ZNF10: variants seen among roughly 807,000 people sequenced by gnomAD.
ZNF10 encodes the protein zinc finger protein 10 (KOX 1).
Under a neutral mutation model 12.2 loss-of-function variants are expected in ZNF10, and 8 were observed. The observed-to-expected ratio is 0.66, with a 90% CI of 0.39 to 1.18. ZNF10 has a LOEUF of 1.18. Among genes scored for constraint, ZNF10 ranks in the 50% most tolerant of loss-of-function variants. ZNF10 has a pLI of 0.01. For synonymous variants in ZNF10, 229 were observed against 228.2 expected (o/e 1.00, Z -0.03); for missense variants, 603 against 678.9 (o/e 0.89, Z 1.24).
At position 133,156,804 on chromosome 12, in the gene ZNF10, AATCAAT is replaced by A; in HGVS notation, c.1559_1564del (p.Asn520_Cys522delinsSer). On this transcript the variant is annotated inframe_deletion, in exon 5 of 5. Transcript: ENST00000248211. The stretch of plus-strand genomic sequence containing the variant: ...TGTTGGAGAAGAGACCTATAAATGT[AATCAAT>A]GTGGCATTATCTTCAGCCAGAACTC... The A allele has an allele frequency of 6.4e-7, 1 of 1,557,742 alleles. No homozygotes were observed. The highest frequency in any genetic ancestry group is 8.7e-7 in the Non-Finnish European group (1 of 1,155,156).
intron 1 of ZNF10, chr12:133,143,909 G>A (rs1280759689): frequency 6.6e-6 from 1 of 152,286 alleles, no homozygotes; most frequent in Non-Finnish European, 1.5e-5. Flanking sequence ...TCAGTTCCTT[G>A]TGGCTGCAGG....
rs901584405 is a variant in ZNF10, at chr12:133,151,706, C to T, written c.161-103C>T. On this transcript the variant is annotated intron_variant, in intron 3 of 4. Transcript: ENST00000248211. The stretch of plus-strand genomic sequence containing the variant: ...TGTCAACTTTAGAGTCCCTGCCAGT[C>T]CTGCAGAGGGTTGGTGGTCAGGTTG... The T allele has an allele frequency of 3.9e-5, 29 of 743,398 alleles. No individual in the cohort carries two copies. The African/African-American group carries it at 4.6e-4, about 12-fold the overall frequency. The allele number at this position is 743,398 out of a possible 1,614,324, so 46.1% of individuals were successfully genotyped here. A position where few individuals can be genotyped will look rare whatever the true frequency, so the allele number is the denominator to read the frequency against.
At chr12:133,144,785 A>G in intron 2 of ZNF10, 3 of 506,522 alleles carry the variant, frequency 5.9e-6, no homozygotes, top group Non-Finnish European at 1.1e-5. Context: ...ATGGAATGAG[A>G]TTAGTGTTAC....
At chr12:133,144,745 T>C (rs1378381536) in intron 2 of ZNF10, among the ~76,000 whole-genome samples, 1 of 152,184 alleles carries the variant, frequency 6.6e-6, no homozygotes, top group Non-Finnish European at 1.5e-5. Context: ...AAAATAAAAA[T>C]AGTAGAATAG....
chr12:133,156,814 G>T lies in ZNF10; in HGVS notation c.1568G>T (p.Gly523Val). The T allele has an allele frequency of 6.5e-7, 1 of 1,549,422 alleles. No homozygotes were observed. The change falls in exon 5 of 5, where the codon GGC (glycine) becomes GTC (valine). Residue 523 changes from glycine (G) to valine (V), a missense_variant. Physicochemically the swap from Gly to Val is moderately radical, Grantham distance 109. Transcript: ENST00000248211. Reference protein sequence around the residue: ...GEETYKCNQCGIIFSQNSPFI... With the variant: ...GEETYKCNQCVIIFSQNSPFI... Reference sequence around the variant, plus strand: ...GAGACCTATAAATGTAATCAATGTGGCATTATCTTCAGCCAGAACTCTCCA... The same window carrying T: ...GAGACCTATAAATGTAATCAATGTGTCATTATCTTCAGCCAGAACTCTCCA...
chr12:133,143,780 T>C (rs1955959694), intron 1 of ZNF10: 2 of 152,276 alleles, frequency 1.3e-5, no homozygotes, highest in South Asian at 4.1e-4. Context: ...AAGCACAGCA[T>C]GGCTGGGTTT....
chr12:133,154,399 T>C (rs1260537311), intron 4 of ZNF10, among the ~76,000 whole-genome samples: 1 of 152,162 alleles, frequency 6.6e-6, no homozygotes, highest in African/African-American at 2.4e-5. Flanking sequence ...GTCCTTATGT[T>C]TCAGAGCGAA....
intron 2 of ZNF10, chr12:133,144,968 C>T (rs1229341378): frequency 7.5e-6 from 3 of 399,254 alleles, no homozygotes; most frequent in South Asian, 5.3e-5. Flanking sequence ...CTGCAACCTC[C>T]ACCTCCCAGG....
At chr12:133,131,183 G>C (rs1001382785) in intron 1 of ZNF10, among the ~76,000 whole-genome samples, 13 of 150,256 alleles carry the variant, frequency 8.7e-5, no homozygotes, top group Non-Finnish European at 1.8e-4. Context: ...AACAAATCCT[G>C]CATCTCTAGC....
chr12:133,154,109 T>C (rs549610237), intron 4 of ZNF10, among the ~76,000 whole-genome samples: 30 of 146,038 alleles, frequency 2.1e-4, no homozygotes, highest in African/African-American at 7.5e-4. Flanking sequence ...TCAACATACC[T>C]TTTTGTCGGC....
At chr12:133,140,730 A>G (rs975232315) in intron 1 of ZNF10, among the ~76,000 whole-genome samples, 6 of 151,806 alleles carry the variant, frequency 4.0e-5, no homozygotes, top group Non-Finnish European at 8.8e-5. Flanking sequence ...AAATTTGACT[A>G]TTTCCTATAT....
Position 133,150,886 on chromosome 12 carries a change from A to G in ZNF10, c.34-142A>G, listed in dbSNP as rs949398900. ...TTAAGACTTGACTAGAATAAATACT[A>G]CTCACTCCTAGAATAAATTGTGGTC... On this transcript the variant is annotated intron_variant, in intron 2 of 4. Transcript: ENST00000248211. The G allele has an allele frequency of 3.9e-5, 36 of 928,656 alleles. No homozygotes were observed. In the African/African-American group the frequency reaches 5.6e-4, roughly 14 times the overall value. 57.5% of individuals were successfully genotyped at this position (928,656 alleles called of 1,614,324 possible). A position where few individuals can be genotyped will look rare whatever the true frequency, so the allele number is the denominator to read the frequency against.
At chr12:133,137,003 C>G (rs529910644) in intron 1 of ZNF10, among the ~76,000 whole-genome samples, 18 of 152,270 alleles carry the variant, frequency 1.2e-4, no homozygotes, top group African/African-American at 3.6e-4. Flanking sequence ...CCAATCGCAT[C>G]ATTTCTCTAG....
At chr12:133,152,357 T>G (rs974627317) in intron 4 of ZNF10, among the ~76,000 whole-genome samples, 1 of 152,152 alleles carries the variant, frequency 6.6e-6, no homozygotes, top group Admixed American at 6.5e-5. Context: ...TTGCCTCAAC[T>G]CTCCTTCCTT....
intron 2 of ZNF10, among the ~76,000 whole-genome samples, chr12:133,145,988 T>C (rs1306138035): frequency 6.6e-6 from 1 of 152,208 alleles, no homozygotes; most frequent in Non-Finnish European, 1.5e-5. Context: ...GTATTACTTA[T>C]AGGAATGCTA....
chr12:133,155,732 A>T lies in ZNF10; in HGVS notation c.486A>T (p.Arg162Ser), dbSNP rs778238210. The change falls in exon 5 of 5, where the codon AGA becomes AGT. Residue 162 changes from arginine (R) to serine (S), a missense_variant. By Grantham distance (110) the Arg-to-Ser change is moderately radical. This residue lies in a region of ZNF10 where 393 missense variants were observed against 399.7 expected (regional missense o/e 0.98). Coordinates refer to ENST00000248211, the MANE Select transcript of ZNF10 (RefSeq NM_015394.5). ...AAAAGAAAGTACTTACTCAGGAGAG[A>T]GTCTCTGAAAGTGGTAAATATGGGG... ...FTQKKVLTQE[R>S]VSESGKYGGN... The T allele has an allele frequency of 4.5e-5, 73 of 1,611,892 alleles. No individual in the cohort carries two copies. Among genetic ancestry groups the T allele is most frequent in the Non-Finnish European group, 5.9e-5 (69 of 1,179,252 alleles).
At chr12:133,146,691 C>G (rs1373394400) in intron 2 of ZNF10, among the ~76,000 whole-genome samples, 1 of 151,908 alleles carries the variant, frequency 6.6e-6, no homozygotes, top group Non-Finnish European at 1.5e-5. Context: ...ACTAAAAATA[C>G]AAAAATTAGC....
chr12:133,135,956 T>C (rs953597304), intron 1 of ZNF10, among the ~76,000 whole-genome samples: 2 of 152,254 alleles, frequency 1.3e-5, no homozygotes, highest in African/African-American at 4.8e-5. Context: ...TTTGCTAGTT[T>C]GTCACTGCAT....
chr12:133,148,750 G>GTTTTTTTTT lies in ZNF10; in HGVS notation c.34-2278_34-2277insTTTTTTTTT, dbSNP rs201972025. Among the ~76,000 whole-genome samples, 6 of 137,406 alleles carry GTTTTTTTTT rather than the reference G, an allele frequency of 4.4e-5. 1 individual carries two copies. The highest frequency in any genetic ancestry group is 1.6e-5 in the Non-Finnish European group (1 of 63,464). 90.1% of individuals were successfully genotyped at this position (137,406 alleles called of 152,430 possible). A position where few individuals can be genotyped will look rare whatever the true frequency, so the allele number is the denominator to read the frequency against. ...AGGTTTCTAGGTTGTATTCAATGTT[G>GTTTTTTTTT]GTTTTTTTTTTTTTTTTTTGAGTTG... On this transcript the variant is annotated intron_variant, in intron 2 of 4. Transcript: ENST00000248211.
Sources: gnomAD v4.1 joint callset for allele counts (sites outside exome capture counted in the v4.1 genomes callset) on GRCh38, gnomAD v4.1.1 for gene constraint, gnomAD v4.1.1 regional missense constraint, MANE v1.5 for transcripts, NCBI Gene and HGNC (gene_info 2026-07-23, HGNC 2026-07-21) for gene names.